The following TMEM35A variants were observed in gnomAD, a reference collection of about 807,000 sequenced individuals.
The protein encoded by TMEM35A is transmembrane protein 35A.
For synonymous variants in TMEM35A, 50 were observed against 54.7 expected, an observed-to-expected ratio of 0.91 and a Z score of 0.38; for missense variants, 83 against 132.7, an observed-to-expected ratio of 0.63 and a Z score of 1.84.
chrX:101,087,611 T>A (rs58984628), intron 1 of TMEM35A, among the ~76,000 whole-genome samples: 11,213 of 111,364 alleles, frequency 0.1, 1,397 homozygotes, highest in African/African-American at 0.34. Context: ...ATTTAAAACA[T>A]GGAGTTTGGC....
intron 1 of TMEM35A, among the ~76,000 whole-genome samples, chrX:101,086,952 CT>C (rs144682101): frequency 0.025 from 1,807 of 72,633 alleles, 55 homozygotes; most frequent in African/African-American, 0.084. Flanking sequence ...TAATAGGATT[CT>C]TTTTTTTTTT....
chrX:101,094,420 G>C lies in TMEM35A; in HGVS notation c.121-153G>C, dbSNP rs1016649773. 1.2e-5 allele frequency: 6 copies of C among 517,444 alleles called. No homozygotes were observed. In the Admixed American group the frequency reaches 3.0e-4, roughly 26 times the overall value. The allele number at this position is 517,444 out of a possible 1,213,427, so 42.6% of individuals were successfully genotyped here. On this transcript the variant is annotated intron_variant, in intron 1 of 1. Transcript: ENST00000372930. ...GTGAGCCACTGTGCCTGGCCTCTTA[G>C]TTTAATTACATATAATTAAGATAAG...
intron 1 of TMEM35A, among the ~76,000 whole-genome samples, chrX:101,089,531 G>A (rs906816933): frequency 1.5e-4 from 16 of 106,089 alleles, no homozygotes; most frequent in Non-Finnish European, 2.5e-4. Flanking sequence ...AAAGCGGCAG[G>A]ATCACTTTGG....
intron 1 of TMEM35A, among the ~76,000 whole-genome samples, chrX:101,084,331 T>C (rs1376135984): frequency 1.8e-5 from 2 of 110,818 alleles, no homozygotes; most frequent in East Asian, 5.6e-4. Context: ...TTCAGAAAAA[T>C]CACACATGAG....
chrX:101,091,542 C>T (rs1006538988), intron 1 of TMEM35A, among the ~76,000 whole-genome samples: 1 of 111,440 alleles, frequency 9.0e-6, no homozygotes, highest in Non-Finnish European at 1.9e-5. Flanking sequence ...TGGGCTCAAT[C>T]GATCCTCCTG....
rs2089338516 is a variant in TMEM35A at position 101,095,758 on chromosome X, A to G, written c.*802A>G. On this transcript the variant is annotated 3_prime_UTR_variant, in exon 2 of 2. Transcript: ENST00000372930. The stretch of plus-strand genomic sequence containing the variant: ...TAAAACCCTTTACTCACAGTTTGAA[A>G]CTGAAGCAGTAAACTTGTTTCCAGA... The G allele has an allele frequency of 9.0e-6, 1 of 111,689 alleles. No homozygotes were observed. The highest frequency in any genetic ancestry group is 1.9e-5 in the Non-Finnish European group (1 of 53,205). The allele number at this position is 111,689 out of a possible 1,213,427, so 9.2% of individuals were successfully genotyped here.
At chrX:101,081,132 T>C (rs2089290698) in intron 1 of TMEM35A, among the ~76,000 whole-genome samples, 1 of 112,654 alleles carries the variant, frequency 8.9e-6, no homozygotes, top group Non-Finnish European at 1.9e-5. Flanking sequence ...AACACAGCAA[T>C]ATAGAACCAT....
Position 101,094,849 on chromosome X carries a change from C to T in TMEM35A, c.397C>T (p.Arg133Cys), listed in dbSNP as rs1354477965. ...ILLTCRLLIA[R>C]KPEDRSSEKK... ...GCTCACTTGCCGCCTGCTGATTGCTCGCAAGCCCGAAGACCGGTCTTCTGA... is the reference window on the plus strand; with the variant it reads ...GCTCACTTGCCGCCTGCTGATTGCTTGCAAGCCCGAAGACCGGTCTTCTGA... Residue 133 changes from arginine (R) to cysteine (C), a missense_variant, in exon 2 of 2, where the codon CGC becomes TGC. By Grantham distance (180) the Arg-to-Cys change is radical. Coordinates refer to ENST00000372930, the MANE Select transcript of TMEM35A (RefSeq NM_021637.3). 7 of 1,208,465 alleles carry T rather than the reference C, an allele frequency of 5.8e-6. No individual in the cohort carries two copies. The highest frequency in any genetic ancestry group is 3.0e-5 in the East Asian group (1 of 33,701).
intron 1 of TMEM35A, among the ~76,000 whole-genome samples, chrX:101,087,993 C>T (rs1347088513): frequency 1.8e-5 from 2 of 109,899 alleles, no homozygotes; most frequent in African/African-American, 6.7e-5. Context: ...GCCTGGGCGA[C>T]AGAGTGAGAC....
In TMEM35A at chrX:101,095,028, T is replaced by G. The variant is rs1484688679; in HGVS notation, c.*72T>G. 9.6e-7 allele frequency: 1 copy of G among 1,047,086 alleles called. No homozygotes were observed. Among genetic ancestry groups the G allele is most frequent in the African/African-American group, 1.9e-5 (1 of 53,396 alleles). The allele number at this position is 1,047,086 out of a possible 1,213,427, so 86.3% of individuals were successfully genotyped here. Reference sequence around the variant, plus strand: ...GACACCAGGAAGATGTCAGTGTGTGTTTTTCATTTGATTTATTTATCTTGG... The same window carrying G: ...GACACCAGGAAGATGTCAGTGTGTGGTTTTCATTTGATTTATTTATCTTGG... On this transcript the variant is annotated 3_prime_UTR_variant, in exon 2 of 2. Coordinates refer to ENST00000372930, the MANE Select transcript of TMEM35A (RefSeq NM_021637.3).
intron 1 of TMEM35A, among the ~76,000 whole-genome samples, chrX:101,081,170 G>T (rs1425538453): frequency 8.9e-6 from 1 of 112,654 alleles, no homozygotes; most frequent in Non-Finnish European, 1.9e-5. Flanking sequence ...GCACACTTCT[G>T]CACTTCTGTG....
At chrX:101,093,213 C>A (rs1312261920) in intron 1 of TMEM35A, among the ~76,000 whole-genome samples, 1 of 112,238 alleles carries the variant, frequency 8.9e-6, no homozygotes, top group Non-Finnish European at 1.9e-5. Context: ...TTTGACAAAG[C>A]AGGCACTAGA....
intron 1 of TMEM35A, 92 bp downstream of exon 1, chrX:101,079,214 C>G: frequency 1.9e-6 from 2 of 1,058,969 alleles, no homozygotes; most frequent in Non-Finnish European, 2.5e-6. Context: ...GGTCCCACCC[C>G]CTTAGCCCCT....
intron 1 of TMEM35A, among the ~76,000 whole-genome samples, chrX:101,086,927 T>A (rs1276849840): frequency 9.3e-6 from 1 of 107,453 alleles, no homozygotes. Flanking sequence ...CCAAGCATAA[T>A]GAGGGGGTTA....
At chrX:101,084,188 C>CAAAAAAAAA (rs746718674) in intron 1 of TMEM35A, among the ~76,000 whole-genome samples, 1 of 32,298 alleles carries the variant, frequency 3.1e-5, no homozygotes, top group African/African-American at 9.3e-5. Flanking sequence ...AACTCCATCT[C>CAAAAAAAAA]AAAAAAAAAA....
At chrX:101,089,041 C>T (rs1233679851) in intron 1 of TMEM35A, among the ~76,000 whole-genome samples, 1 of 111,388 alleles carries the variant, frequency 9.0e-6, no homozygotes, top group Middle Eastern at 4.6e-3. Context: ...GGGTGGGCTT[C>T]TCACCACCAC....
intron 1 of TMEM35A, among the ~76,000 whole-genome samples, chrX:101,079,361 C>T (rs2089285149): frequency 9.0e-6 from 1 of 110,764 alleles, no homozygotes; most frequent in Non-Finnish European, 1.9e-5. Context: ...CAGCGAATAC[C>T]CCCCATCCCA....
At chrX:101,084,064 T>G (rs1406341600) in intron 1 of TMEM35A, among the ~76,000 whole-genome samples, 4 of 108,593 alleles carry the variant, frequency 3.7e-5, no homozygotes. Context: ...GGCGCATGCC[T>G]GTAATCCCAG....
At chrX:101,083,168 A>T (rs2089297557) in intron 1 of TMEM35A, among the ~76,000 whole-genome samples, 1 of 111,588 alleles carries the variant, frequency 9.0e-6, no homozygotes, top group Non-Finnish European at 1.9e-5. Flanking sequence ...TCTAAATCCC[A>T]CGTGAATTCA....
Sources: gnomAD v4.1 joint callset for allele counts (sites outside exome capture counted in the v4.1 genomes callset) on GRCh38, gnomAD v4.1.1 for gene constraint, MANE v1.5 for transcripts, NCBI Gene and HGNC (gene_info 2026-07-23, HGNC 2026-07-21) for gene names.